The following ACAT1 variants were observed in gnomAD, a reference collection of about 807,000 sequenced individuals.
ACAT1 encodes the protein acetyl-CoA acetyltransferase, mitochondrial.
A neutral mutation model predicts 47.3 loss-of-function variants in ACAT1; 28 were observed. The observed-to-expected ratio is 0.59, with a 90% CI of 0.44 to 0.81. The LOEUF (loss-of-function observed/expected upper bound fraction) is 0.81. Among genes scored for constraint, ACAT1 ranks in the 30% least tolerant of loss-of-function variants. ACAT1 has a pLI of 0.00. For missense variants in ACAT1, 469 were observed against 524.3 expected (o/e 0.89, Z 1.03); for synonymous variants, 181 against 173.6 (o/e 1.04, Z -0.34).
intron 9 of ACAT1, 153 bp from the exon 10 acceptor site, chr11:108,143,829 TA>T: frequency 2.4e-6 from 1 of 420,306 alleles, no homozygotes; most frequent in Non-Finnish European, 3.5e-6. Context: ...AGTAATTTTA[TA>T]AAGTGTAGAA....
upstream of ACAT1, among the ~76,000 whole-genome samples, chr11:108,119,655 CT>C (rs2077116554): frequency 6.6e-6 from 1 of 152,070 alleles, no homozygotes; most frequent in South Asian, 2.1e-4. Context: ...CTCTCTCTCT[CT>C]CTCTCTCACA....
rs182381021 is a variant in ACAT1, at chr11:108,146,925, C to T, written c.1164-345C>T. On this transcript the variant is annotated intron_variant, in intron 11 of 11. Coordinates refer to ENST00000265838, the MANE Select transcript of ACAT1 (RefSeq NM_000019.4). ...CGAAACCCTGTCTCTACTAAAAATA[C>T]GAAAATTAGCTGGGTGTGGTGGTGC... Among the ~76,000 whole-genome samples the T allele has an allele frequency of 8.4e-4, 128 of 152,280 alleles. 1 individual carries two copies. The highest frequency in any genetic ancestry group is 2.8e-3 in the African/African-American group (116 of 41,554).
Position 108,147,420 on chromosome 11 carries a change from T to G in ACAT1, c.*30T>G, listed in dbSNP as rs747537829. ...CCTCTGCTATTTAAGGAGACAACCC[T>G]ATGTGACCAGAAGGCCTGCTGTAAT... On this transcript the variant is annotated 3_prime_UTR_variant, in exon 12 of 12. Transcript: ENST00000265838. 5 of 1,611,442 alleles carry G rather than the reference T, an allele frequency of 3.1e-6. No homozygotes were observed. The highest frequency in any genetic ancestry group is 1.6e-4 in the Middle Eastern group (1 of 6,070).
chr11:108,126,441 C>T (rs971190696), intron 1 of ACAT1, among the ~76,000 whole-genome samples: 6 of 152,196 alleles, frequency 3.9e-5, no homozygotes, highest in Non-Finnish European at 7.3e-5. Flanking sequence ...CCAGATCATG[C>T]AGGTTCTTGG....
chr11:108,144,184 T>A, intron 10 of ACAT1, 137 bp downstream of exon 10: 1 of 932,912 alleles, frequency 1.1e-6, no homozygotes, highest in Non-Finnish European at 1.7e-6. Context: ...CCATGTCTTC[T>A]CCTGAAAAGA....
chr11:108,125,728 C>T (rs1333472528), intron 1 of ACAT1, among the ~76,000 whole-genome samples: 1 of 152,036 alleles, frequency 6.6e-6, no homozygotes, highest in Non-Finnish European at 1.5e-5. Flanking sequence ...GAGATCGAGA[C>T]TATCCTGGCT....
At chr11:108,121,769 G>A in intron 1 of ACAT1, 91 bp downstream of exon 1, 2 of 1,430,512 alleles carry the variant, frequency 1.4e-6, no homozygotes, top group Non-Finnish European at 1.9e-6. Flanking sequence ...TGCGGCTCCC[G>A]CGGCCCGGGC....
chr11:108,123,484 T>C (rs1485145488), intron 1 of ACAT1, among the ~76,000 whole-genome samples: 1 of 152,184 alleles, frequency 6.6e-6, no homozygotes, highest in Non-Finnish European at 1.5e-5. Context: ...AGGTCTCTTT[T>C]ATGGTCAACA....
intron 1 of ACAT1, among the ~76,000 whole-genome samples, chr11:108,130,383 T>A (rs1015119309): frequency 1.3e-5 from 2 of 152,132 alleles, no homozygotes; most frequent in African/African-American, 2.4e-5. Context: ...TGTAAGTTTT[T>A]AAATTATTAT....
At chr11:108,126,944 C>T (rs1002663433) in intron 1 of ACAT1, among the ~76,000 whole-genome samples, 1 of 151,828 alleles carries the variant, frequency 6.6e-6, no homozygotes, top group Admixed American at 6.6e-5. Context: ...AGGCGCGTGC[C>T]ACCATGCCCT....
chr11:108,121,579 T>C lies in ACAT1; in HGVS notation c.-28T>C. The C allele has an allele frequency of 2.6e-6, 4 of 1,549,210 alleles. No homozygotes were observed. The highest frequency in any genetic ancestry group is 3.5e-6 in the Non-Finnish European group (4 of 1,146,086). On this transcript the variant is annotated 5_prime_UTR_variant, in exon 1 of 12. Transcript: ENST00000265838. ...GGAGGAGGCCGCTAGTCTACGCCTGTGGAGCCGATACTCAGCCCTCTGCGA... is the reference window on the plus strand; with the variant it reads ...GGAGGAGGCCGCTAGTCTACGCCTGCGGAGCCGATACTCAGCCCTCTGCGA...
chr11:108,120,163 G>T (rs920577267), upstream of ACAT1, among the ~76,000 whole-genome samples: 1 of 151,820 alleles, frequency 6.6e-6, no homozygotes, highest in African/African-American at 2.4e-5. Context: ...TCAAGATCGC[G>T]CCTGGGTGAC....
Position 108,139,207 on chromosome 11 carries a change from C to CTCAG in ACAT1, c.579+170_579+173dup, listed in dbSNP as rs2077532285. ...TTGTATGCCTATTGCATCGGCATGG[C>CTCAG]TCAGTCATTAAAGAAATTTTCCCAC... On this transcript the variant is annotated intron_variant, in intron 6 of 11. Coordinates refer to ENST00000265838, the MANE Select transcript of ACAT1 (RefSeq NM_000019.4). 3.6e-6 allele frequency: 3 copies of CTCAG among 843,364 alleles called. No homozygotes were observed. In the South Asian group the frequency reaches 4.9e-5, roughly 14 times the overall value. 52.2% of individuals were successfully genotyped at this position (843,364 alleles called of 1,614,324 possible).
chr11:108,121,603 G>A lies in ACAT1; in HGVS notation c.-4G>A, dbSNP rs772828488. The stretch of plus-strand genomic sequence containing the variant: ...GTGGAGCCGATACTCAGCCCTCTGC[G>A]ACCATGGCTGTGCTGGCGGCACTTC... On this transcript the variant is annotated 5_prime_UTR_variant, in exon 1 of 12. Transcript: ENST00000265838. 4 of 1,550,488 alleles carry A rather than the reference G, an allele frequency of 2.6e-6. No homozygotes were observed. The African/African-American group carries it at 4.1e-5, about 16-fold the overall frequency.
intron 1 of ACAT1, among the ~76,000 whole-genome samples, chr11:108,129,430 G>A (rs563064903): frequency 2.6e-5 from 4 of 152,048 alleles, no homozygotes; most frequent in East Asian, 1.9e-4. Flanking sequence ...ATGCAGTGGC[G>A]TGATCTCGGC....
chr11:108,128,828 G>C (rs1161693327), intron 1 of ACAT1: 1 of 152,166 alleles, frequency 6.6e-6, no homozygotes, highest in Non-Finnish European at 1.5e-5. Flanking sequence ...CTTGAAAGAA[G>C]AGAAGTGGCT....
At chr11:108,141,824 A>G in intron 8 of ACAT1, 124 bp downstream of exon 8, 3 of 701,094 alleles carry the variant, frequency 4.3e-6, no homozygotes, top group Non-Finnish European at 7.5e-6. Context: ...CATTTTCAGT[A>G]TATCAGGCTC....
upstream of ACAT1, among the ~76,000 whole-genome samples, chr11:108,119,608 A>G (rs1015726283): frequency 1.3e-5 from 2 of 151,706 alleles, no homozygotes; most frequent in African/African-American, 4.8e-5. Flanking sequence ...TCATTTCTTT[A>G]ACAATTCAAC....
chr11:108,135,467 G>A (rs1341366093), intron 5 of ACAT1, among the ~76,000 whole-genome samples: 1 of 152,066 alleles, frequency 6.6e-6, no homozygotes, highest in Non-Finnish European at 1.5e-5. Flanking sequence ...GAAGGTCGAG[G>A]CAGGAGGATC....
Sources: gnomAD v4.1 joint callset for allele counts (sites outside exome capture counted in the v4.1 genomes callset) on GRCh38, gnomAD v4.1.1 for gene constraint, MANE v1.5 for transcripts, NCBI Gene and HGNC (gene_info 2026-07-23, HGNC 2026-07-21) for gene names.